ATE1: variants seen among roughly 807,000 people sequenced by gnomAD.
ATE1 encodes the protein arginyltransferase 1, also known as arginyl-tRNA--protein transferase 1.
ATE1 carries 36 observed loss-of-function variants against 70.5 expected under a neutral mutation model. The observed-to-expected ratio is 0.51, with a 90% CI of 0.39 to 0.67. The LOEUF (loss-of-function observed/expected upper bound fraction) is 0.67. ATE1 is among the 30% of genes least tolerant of loss of function. The pLI, the probability that ATE1 is intolerant of heterozygous loss-of-function variation, is 0.00. For missense variants in ATE1, 593 were observed against 629.5 expected (o/e 0.94, Z 0.62); for synonymous variants, 232 against 219.3 (o/e 1.06, Z -0.51).
At chr10:121,805,625 T>C (rs993628666) in intron 10 of ATE1, among the ~76,000 whole-genome samples, 1 of 152,222 alleles carries the variant, frequency 6.6e-6, no homozygotes, top group East Asian at 1.9e-4. Context: ...TTAAATTGTA[T>C]AAAGAAATGT....
chr10:121,861,749 TA>T (rs5788519), intron 8 of ATE1, among the ~76,000 whole-genome samples: 25,903 of 147,928 alleles, frequency 0.18, 6,434 homozygotes, highest in African/African-American at 0.56. Flanking sequence ...TAAAGTATAA[TA>T]AAAAAAAAAA....
intron 10 of ATE1, among the ~76,000 whole-genome samples, chr10:121,804,753 G>A (rs1000424284): frequency 2.7e-5 from 4 of 148,160 alleles, no homozygotes; most frequent in South Asian, 2.1e-4. Context: ...CTATAAGCTC[G>A]TAAGTCTGAA....
chr10:121,779,667 A>G (rs536835372), intron 11 of ATE1, among the ~76,000 whole-genome samples: 104 of 151,092 alleles, frequency 6.9e-4, no homozygotes, highest in Non-Finnish European at 7.1e-4. Context: ...CCTTTCCCTG[A>G]CCTCCCTCAG....
chr10:121,849,429 T>C (rs1021342703), intron 8 of ATE1, among the ~76,000 whole-genome samples: 2 of 152,246 alleles, frequency 1.3e-5, no homozygotes, highest in East Asian at 3.9e-4. Context: ...ATAGGTTTGT[T>C]CTCCTCTGAG....
chr10:121,848,612 C>CAA (rs148470774), intron 8 of ATE1, among the ~76,000 whole-genome samples: 1,442 of 117,362 alleles, frequency 0.012, 22 homozygotes, highest in African/African-American at 0.034. Flanking sequence ...GAGTGAAACT[C>CAA]AAAAAAAAAA....
chr10:121,896,748 GCAGTGAGCCCAGGCT>G (rs1364017843), intron 7 of ATE1, among the ~76,000 whole-genome samples: 2 of 144,558 alleles, frequency 1.4e-5, no homozygotes, highest in South Asian at 2.2e-4. Context: ...GGCAAAGGCT[GCAGTGAGCCCAGGCT>G]CAGTGAGCCA....
chr10:121,831,357 T>C (rs1322317624), intron 10 of ATE1, among the ~76,000 whole-genome samples: 4 of 152,220 alleles, frequency 2.6e-5, no homozygotes, highest in African/African-American at 9.6e-5. Flanking sequence ...TATTAATATT[T>C]ATATTTACAC....
At chr10:121,906,782 G>A (rs1268925712) in intron 5 of ATE1, among the ~76,000 whole-genome samples, 1 of 151,762 alleles carries the variant, frequency 6.6e-6, no homozygotes, top group Non-Finnish European at 1.5e-5. Flanking sequence ...TATTTTTAAT[G>A]GAGATGGGGT....
At chr10:121,845,228 A>G (rs2133819898) in intron 8 of ATE1, among the ~76,000 whole-genome samples, 1 of 152,294 alleles carries the variant, frequency 6.6e-6, no homozygotes, top group South Asian at 2.1e-4. Flanking sequence ...AACTACAGTG[A>G]CAGTAAAAAG....
chr10:121,860,030 C>G (rs972254869), intron 8 of ATE1, among the ~76,000 whole-genome samples: 9 of 152,094 alleles, frequency 5.9e-5, no homozygotes, highest in African/African-American at 2.2e-4. Context: ...TGTTACAGAA[C>G]ATAAAACAGC....
At chr10:121,867,072 T>C (rs1949690245) in intron 8 of ATE1, among the ~76,000 whole-genome samples, 1 of 152,142 alleles carries the variant, frequency 6.6e-6, no homozygotes, top group South Asian at 2.1e-4. Flanking sequence ...TACCAAATTA[T>C]GGATGAAAGA....
At chr10:121,875,306 TTG>T (rs201573831) in intron 7 of ATE1, among the ~76,000 whole-genome samples, 24,682 of 54,312 alleles carry the variant, frequency 0.45, 4,435 homozygotes, top group African/African-American at 0.51. Context: ...TGGTTTTTTT[TTG>T]TTTTTTTTTT....
At chr10:121,892,656 C>A (rs1015410583) in intron 7 of ATE1, among the ~76,000 whole-genome samples, 1 of 151,980 alleles carries the variant, frequency 6.6e-6, no homozygotes, top group Non-Finnish European at 1.5e-5. Context: ...CAGGTGCCCT[C>A]CACCATGCCC....
chr10:121,744,314 C>T (rs1944260243), intron 11 of ATE1, among the ~76,000 whole-genome samples: 1 of 151,990 alleles, frequency 6.6e-6, no homozygotes, highest in Non-Finnish European at 1.5e-5. Context: ...GGGTGGGCAG[C>T]ATTAATATTA....
At chr10:121,913,689 T>C (rs977023180) in intron 4 of ATE1, 101 bp downstream of exon 4, 18 of 736,666 alleles carry the variant, frequency 2.4e-5, no homozygotes, top group Non-Finnish European at 3.7e-5. Context: ...GTAGTAGCAG[T>C]ACATGACTGT....
intron 10 of ATE1, among the ~76,000 whole-genome samples, chr10:121,821,122 C>T (rs773270869): frequency 1.3e-5 from 2 of 151,952 alleles, no homozygotes; most frequent in African/African-American, 2.4e-5. Context: ...CTTTTTGTAT[C>T]GTTAGTAGAG....
At chr10:121,921,813 G>A (rs10887022) in intron 3 of ATE1, among the ~76,000 whole-genome samples, 41,668 of 152,034 alleles carry the variant, frequency 0.27, 6,661 homozygotes, top group South Asian at 0.43. Flanking sequence ...TCTTTGTTCC[G>A]GGCCCAGTCT....
At chr10:121,814,244 C>T (rs1947445549) in intron 10 of ATE1, among the ~76,000 whole-genome samples, 1 of 152,090 alleles carries the variant, frequency 6.6e-6, no homozygotes, top group Non-Finnish European at 1.5e-5. Context: ...AAGGAAGATG[C>T]CTGTATTGGG....
chr10:121,831,502 C>A (rs1223170582), intron 10 of ATE1, among the ~76,000 whole-genome samples: 1 of 152,178 alleles, frequency 6.6e-6, no homozygotes, highest in Non-Finnish European at 1.5e-5. Flanking sequence ...GAATGTCAAC[C>A]TTAACTGTCA....
Sources: gnomAD v4.1 joint callset for allele counts (sites outside exome capture counted in the v4.1 genomes callset) on GRCh38, gnomAD v4.1.1 for gene constraint, MANE v1.5 for transcripts, NCBI Gene and HGNC (gene_info 2026-07-23, HGNC 2026-07-21) for gene names.